The following HAO2 variants were observed in gnomAD, a reference collection of about 807,000 sequenced individuals.
HAO2 encodes 2-Hydroxyacid oxidase 2.
Under a neutral mutation model 37.4 loss-of-function variants are expected in HAO2, and 42 were observed. That is an observed-to-expected ratio of 1.12 (90% CI 0.88 to 1.45). The LOEUF is 1.45. Among genes scored for constraint, HAO2 ranks in the 40% most tolerant of loss-of-function variants. The pLI is 0.00. For synonymous variants in HAO2, 180 were observed against 162.8 expected, an observed-to-expected ratio of 1.11 and a Z score of -0.81; for missense variants, 476 against 430.2, an observed-to-expected ratio of 1.11 and a Z score of -0.94.
chr1:119,376,161 T>A (rs967198727), intron 1 of HAO2, among the ~76,000 whole-genome samples: 2 of 152,164 alleles, frequency 1.3e-5, no homozygotes, highest in Non-Finnish European at 2.9e-5. Context: ...AGCAAGTTAG[T>A]TACTTCCTAG....
intron 1 of HAO2, among the ~76,000 whole-genome samples, chr1:119,376,904 T>C (rs1286931477): frequency 6.6e-6 from 1 of 152,198 alleles, no homozygotes; most frequent in African/African-American, 2.4e-5. Context: ...AGTCCTATGA[T>C]GGGAGGGTCT....
At position 119,374,045 on chromosome 1, in the gene HAO2, T is replaced by C. The variant is rs144338175; in HGVS notation, c.-9+5143T>C. Among the ~76,000 whole-genome samples the C allele has an allele frequency of 3.5e-3, 535 of 152,260 alleles. 4 individuals are homozygous for C. The highest frequency in any genetic ancestry group is 6.0e-3 in the Non-Finnish European group (407 of 68,014). On this transcript the variant is annotated intron_variant, in intron 1 of 7. Transcript: ENST00000325945. ...CTGGCTTCTTTTCCCCTCACTCCCA[T>C]ACAAATGCCATCCTTGATTCCTCAG...
intron 5 of HAO2, among the ~76,000 whole-genome samples, chr1:119,388,134 C>T (rs1650534780): frequency 6.6e-6 from 1 of 152,172 alleles, no homozygotes; most frequent in Non-Finnish European, 1.5e-5. Flanking sequence ...ACACACTGAG[C>T]TCTCTCACCC....
At chr1:119,382,862 C>T in intron 2 of HAO2, 53 bp from the exon 3 acceptor site, 1 of 1,569,278 alleles carries the variant, frequency 6.4e-7, no homozygotes, top group Non-Finnish European at 8.7e-7. Flanking sequence ...GACAACGCCT[C>T]CCTGCTGCAG....
rs761396436 is a variant in HAO2 at position 119,381,050 on chromosome 1, T to C, written c.-8-28T>C. 3 of 1,605,852 alleles carry C rather than the reference T, an allele frequency of 1.9e-6. No homozygotes were observed. In the South Asian group the frequency reaches 3.3e-5, roughly 18 times the overall value. ...GCATCTGAAGTGTTCTCACTGGGTT[T>C]GGTTTGGTTTTGTTTTCTCCTTGGA... On this transcript the variant is annotated intron_variant, in intron 1 of 7. Coordinates refer to ENST00000325945, the MANE Select transcript of HAO2 (RefSeq NM_016527.4).
intron 1 of HAO2, among the ~76,000 whole-genome samples, chr1:119,369,779 C>A (rs1392392507): frequency 6.6e-6 from 1 of 152,028 alleles, no homozygotes; most frequent in Non-Finnish European, 1.5e-5. Context: ...CAAAGGGACT[C>A]CTGTTGTACT....
intron 5 of HAO2, among the ~76,000 whole-genome samples, chr1:119,387,655 T>A (rs1222931081): frequency 6.6e-6 from 1 of 152,220 alleles, no homozygotes; most frequent in Non-Finnish European, 1.5e-5. Context: ...AATATTGTGT[T>A]TTTTTCTTTT....
intron 2 of HAO2, among the ~76,000 whole-genome samples, chr1:119,381,669 G>C (rs143296769): frequency 7.3e-4 from 111 of 152,266 alleles, no homozygotes; most frequent in African/African-American, 2.5e-3. Context: ...CAGGGGAGAA[G>C]AGTTGGTCTG....
Position 119,384,829 on chromosome 1 carries a change from C to G in HAO2, c.337C>G (p.Leu113Val), listed in dbSNP as rs1402822718. ...CACCAGCACATTTGCCAGCTGTAGC[C>G]TTGAAGACATTGTCATTGCAGCTCC... Reference protein sequence around the residue: ...YITSTFASCSLEDIVIAAPEG... With the variant: ...YITSTFASCSVEDIVIAAPEG... The change falls in exon 4 of 8, where the codon CTT (leucine) becomes GTT (valine). Residue 113 changes from leucine to valine, a missense_variant. Leu to Val is a conservative substitution (Grantham distance 32). Coordinates refer to ENST00000325945, the MANE Select transcript of HAO2 (RefSeq NM_016527.4). The G allele has an allele frequency of 1.2e-6, 2 of 1,613,802 alleles. No individual in the cohort carries two copies. Among genetic ancestry groups the G allele is most frequent in the Non-Finnish European group, 1.7e-6 (2 of 1,179,754 alleles).
chr1:119,386,166 G>A (rs965117130), intron 4 of HAO2: 2 of 152,288 alleles, frequency 1.3e-5, no homozygotes, highest in Non-Finnish European at 2.9e-5. Context: ...AGCTAGAAAC[G>A]TTGTTGGGTT....
chr1:119,385,740 G>A (rs1016677504), intron 4 of HAO2: 5 of 985,242 alleles, frequency 5.1e-6, no homozygotes, highest in Admixed American at 1.2e-4. Context: ...ACTAAAGCCA[G>A]CCTTTTCAAC....
chr1:119,378,661 A>G lies in HAO2; in HGVS notation c.-8-2417A>G, dbSNP rs79712996. ...GCAGCTTTCAAATCACATAACTGACACTATTCTAGACACATGACTCTGAGT... is the reference window on the plus strand; with the variant it reads ...GCAGCTTTCAAATCACATAACTGACGCTATTCTAGACACATGACTCTGAGT... On this transcript the variant is annotated intron_variant, in intron 1 of 7. Transcript: ENST00000325945. Among the ~76,000 whole-genome samples the G allele has an allele frequency of 1.4e-4, 22 of 152,326 alleles. No homozygotes were observed. In the East Asian group the frequency reaches 4.0e-3, roughly 28 times the overall value.
At chr1:119,387,257 T>A (rs1279900564) in intron 5 of HAO2, among the ~76,000 whole-genome samples, 1 of 152,218 alleles carries the variant, frequency 6.6e-6, no homozygotes, top group Non-Finnish European at 1.5e-5. Context: ...CTAAAATCTA[T>A]AAAAGTCCAT....
intron 5 of HAO2, among the ~76,000 whole-genome samples, chr1:119,388,123 C>A (rs1054519900): frequency 2.0e-5 from 3 of 152,164 alleles, no homozygotes; most frequent in African/African-American, 7.2e-5. Flanking sequence ...TTGGGCTGAG[C>A]ACACACTGAG....
At chr1:119,380,854 A>T (rs1649864497) in intron 1 of HAO2, 2 of 728,050 alleles carry the variant, frequency 2.7e-6, no homozygotes, top group Non-Finnish European at 2.4e-6. Flanking sequence ...AATAATCAGG[A>T]TTTGGGAATG....
intron 1 of HAO2, chr1:119,380,663 CT>C (rs779575083): frequency 2.4e-5 from 38 of 1,566,454 alleles, no homozygotes; most frequent in Non-Finnish European, 3.3e-5. Flanking sequence ...CATGATCAGC[CT>C]TGAACTTTAG....
intron 5 of HAO2, among the ~76,000 whole-genome samples, chr1:119,390,260 A>T (rs1468983250): frequency 6.6e-6 from 1 of 151,408 alleles, no homozygotes; most frequent in African/African-American, 2.4e-5. Flanking sequence ...ATTTGGATTT[A>T]TTTTTTTTTA....
At chr1:119,375,791 A>C (rs1306186755) in intron 1 of HAO2, among the ~76,000 whole-genome samples, 1 of 152,188 alleles carries the variant, frequency 6.6e-6, no homozygotes, top group Non-Finnish European at 1.5e-5. Flanking sequence ...GAGTGTGTGC[A>C]GGGGAACTGC....
rs587709142 is a variant in HAO2, at chr1:119,389,266, G to T, written c.771+2435G>T. Reference sequence around the variant, plus strand: ...TCTGCTGCTATAAACATGCGTGCAAGTATCATTTTCATATAATGACTTCTT... The same window carrying T: ...TCTGCTGCTATAAACATGCGTGCAATTATCATTTTCATATAATGACTTCTT... On this transcript the variant is annotated intron_variant, in intron 5 of 7. Transcript: ENST00000325945. Among the ~76,000 whole-genome samples the T allele has an allele frequency of 3.4e-4, 49 of 146,010 alleles. 1 individual carries two copies. The South Asian group carries it at 0.011, about 32-fold the overall frequency.
Sources: allele counts gnomAD v4.1 joint callset (sites outside exome capture counted in the v4.1 genomes callset), GRCh38; gene constraint gnomAD v4.1.1; transcripts MANE v1.5; gene names NCBI Gene and HGNC (gene_info 2026-07-23, HGNC 2026-07-21).